Variants in CCSER1 observed in about 807,000 individuals in gnomAD.
The protein encoded by CCSER1 is serine-rich coiled-coil domain-containing protein 1.
A neutral mutation model predicts 82.0 loss-of-function variants in CCSER1; 41 were observed. That is an observed-to-expected ratio of 0.50 (90% confidence interval 0.39 to 0.65). CCSER1 has a LOEUF of 0.65. Among genes scored for constraint, CCSER1 ranks in the 30% least tolerant of loss-of-function variants. The probability of loss-of-function intolerance (pLI) is 0.00; values close to 1 mark genes in which losing one functional copy is unlikely to be tolerated. For synonymous variants in CCSER1, 414 were observed against 383.9 expected, an observed-to-expected ratio of 1.08 and a Z score of -0.92; for missense variants, 1,119 against 1,064.2, an observed-to-expected ratio of 1.05 and a Z score of -0.72.
At chr4:91,575,303 C>T (rs760722101) in intron 10 of CCSER1, among the ~76,000 whole-genome samples, 19 of 151,940 alleles carry the variant, frequency 1.3e-4, no homozygotes, top group Non-Finnish European at 2.5e-4. Flanking sequence ...TGACATTGAT[C>T]ATGGCAATGT....
At chr4:91,472,156 T>C (rs548050788) in intron 10 of CCSER1, among the ~76,000 whole-genome samples, 1 of 152,292 alleles carries the variant, frequency 6.6e-6, no homozygotes, top group East Asian at 1.9e-4. Context: ...TCCGATTCAC[T>C]TGTACTTTAT....
At chr4:90,649,627 G>A (rs1455660563) in intron 6 of CCSER1, 1 of 152,154 alleles carries the variant, frequency 6.6e-6, no homozygotes, top group African/African-American at 2.4e-5. Context: ...CCAAAACTGT[G>A]AGAAATATAT....
At chr4:90,222,242 G>A (rs894405761) in intron 1 of CCSER1, among the ~76,000 whole-genome samples, 1 of 152,020 alleles carries the variant, frequency 6.6e-6, no homozygotes, top group South Asian at 2.1e-4. Context: ...TTTCTCATTA[G>A]CATTTTAAAA....
At chr4:90,651,924 G>T (rs943965818) in intron 6 of CCSER1, among the ~76,000 whole-genome samples, 21 of 152,106 alleles carry the variant, frequency 1.4e-4, no homozygotes, top group Non-Finnish European at 2.2e-4. Flanking sequence ...CATTAAACTT[G>T]GGGGATGAGA....
chr4:91,390,395 C>G (rs1263355694), intron 10 of CCSER1, among the ~76,000 whole-genome samples: 1 of 151,672 alleles, frequency 6.6e-6, no homozygotes, highest in Non-Finnish European at 1.5e-5. Flanking sequence ...CACACTTGAT[C>G]ATGCTGTATT....
At chr4:91,178,278 G>A (rs189197515) in intron 10 of CCSER1, among the ~76,000 whole-genome samples, 63 of 152,320 alleles carry the variant, frequency 4.1e-4, no homozygotes, top group African/African-American at 1.4e-3. Flanking sequence ...TGAGAAGAAT[G>A]TAGATTCTGT....
At chr4:90,141,315 T>C (rs1724749430) in intron 1 of CCSER1, among the ~76,000 whole-genome samples, 1 of 152,210 alleles carries the variant, frequency 6.6e-6, no homozygotes, top group African/African-American at 2.4e-5. Flanking sequence ...ATCTACAAGA[T>C]ACCTTTACAC....
At chr4:91,413,047 C>A (rs2149374364) in intron 10 of CCSER1, among the ~76,000 whole-genome samples, 1 of 151,528 alleles carries the variant, frequency 6.6e-6, no homozygotes, top group Middle Eastern at 3.4e-3. Flanking sequence ...AAAAAGAAAC[C>A]CAAACAGAAA....
chr4:90,663,595 T>C (rs1731197715), intron 6 of CCSER1, among the ~76,000 whole-genome samples: 1 of 152,142 alleles, frequency 6.6e-6, no homozygotes, highest in Non-Finnish European at 1.5e-5. Context: ...GTTCAAGCAA[T>C]ACTGTGGGCC....
intron 10 of CCSER1, among the ~76,000 whole-genome samples, chr4:91,421,490 A>G (rs1452704149): frequency 1.3e-5 from 2 of 152,120 alleles, no homozygotes; most frequent in African/African-American, 4.8e-5. Context: ...AAAGATGGCT[A>G]ATTTGTCCTT....
chr4:91,596,788 T>C (rs536230176), intron 10 of CCSER1, among the ~76,000 whole-genome samples: 1 of 152,188 alleles, frequency 6.6e-6, no homozygotes, highest in African/African-American at 2.4e-5. Context: ...AACAGCATAT[T>C]AGAATTCACA....
rs558148794 is a variant in CCSER1, at chr4:90,578,411, C to T, written c.1725-49614C>T. 5.9e-5 allele frequency among the ~76,000 whole-genome samples: 9 copies of T among 152,190 alleles called. No individual in the cohort carries two copies. In the East Asian group the frequency reaches 1.5e-3, roughly 26 times the overall value. On this transcript the variant is annotated intron_variant, in intron 5 of 10. Coordinates refer to ENST00000509176, the MANE Select transcript of CCSER1 (RefSeq NM_001145065.2). ...GACTCATGGCCCCTTTCTGCCATCT[C>T]GAAAGCCAGCAAAACCAGGCTGAGT...
intron 3 of CCSER1, among the ~76,000 whole-genome samples, chr4:90,335,072 T>G (rs923533061): frequency 6.6e-6 from 1 of 152,056 alleles, no homozygotes; most frequent in Non-Finnish European, 1.5e-5. Context: ...TAGCAGCGGG[T>G]TTTTGGTTTG....
At chr4:90,638,236 GATA>G (rs951216049) in intron 6 of CCSER1, among the ~76,000 whole-genome samples, 21 of 152,164 alleles carry the variant, frequency 1.4e-4, no homozygotes, top group Middle Eastern at 3.4e-3. Flanking sequence ...TAAATTTTAA[GATA>G]ATAATTTTTT....
chr4:91,366,858 G>C (rs1180104352), intron 10 of CCSER1, among the ~76,000 whole-genome samples: 2 of 152,130 alleles, frequency 1.3e-5, no homozygotes, highest in East Asian at 3.9e-4. Context: ...ATTTCTTCCT[G>C]GCAATGGGTT....
intron 8 of CCSER1, among the ~76,000 whole-genome samples, chr4:90,872,635 T>C (rs1319257797): frequency 2.0e-5 from 3 of 152,146 alleles, no homozygotes; most frequent in Non-Finnish European, 4.4e-5. Context: ...CTACTCAAGC[T>C]ATCAGTAGTA....
chr4:91,181,341 C>T (rs1421706923), intron 10 of CCSER1, among the ~76,000 whole-genome samples: 2 of 152,200 alleles, frequency 1.3e-5, no homozygotes, highest in Non-Finnish European at 2.9e-5. Context: ...AATCACAGAA[C>T]TTCCAGGTGT....
At chr4:91,078,148 G>GCA (rs1228216500) in intron 9 of CCSER1, among the ~76,000 whole-genome samples, 9 of 152,188 alleles carry the variant, frequency 5.9e-5, no homozygotes, top group African/African-American at 2.2e-4. Context: ...GCCTCCTCAA[G>GCA]CAGGTTCCTG....
intron 10 of CCSER1, among the ~76,000 whole-genome samples, chr4:91,230,138 A>C (rs1294647694): frequency 1.3e-5 from 2 of 152,142 alleles, no homozygotes; most frequent in Non-Finnish European, 2.9e-5. Context: ...AACTTTAGCC[A>C]CAAACTTTAG....
Sources: allele counts gnomAD v4.1 joint callset (sites outside exome capture counted in the v4.1 genomes callset), GRCh38; gene constraint gnomAD v4.1.1; transcripts MANE v1.5; gene names NCBI Gene and HGNC (gene_info 2026-07-23, HGNC 2026-07-21).